The following RELN variants were observed in gnomAD, a reference collection of about 807,000 sequenced individuals.
RELN encodes reelin.
RELN carries 108 observed loss-of-function variants against 427.6 expected under a neutral mutation model. The ratio of observed to expected loss-of-function variants is 0.25; its 90% CI spans 0.22 to 0.30. The LOEUF (loss-of-function observed/expected upper bound fraction) is 0.30, where lower values mean the gene tolerates loss of function less well. Ranked by LOEUF, RELN falls within the 10% of genes least tolerant of loss-of-function variation. The pLI is 1.00. For synonymous variants in RELN, 1,524 were observed against 1,513.4 expected (o/e 1.01, Z -0.16); for missense variants, 3,715 against 4,302.8 (o/e 0.86, Z 3.82).
chr7:103,903,297 G>A (rs972942662), intron 2 of RELN, among the ~76,000 whole-genome samples: 6 of 147,136 alleles, frequency 4.1e-5, no homozygotes, highest in African/African-American at 1.3e-4. Context: ...TCCTCAATTC[G>A]TATTTAAGAA....
At chr7:103,483,037 T>A in intron 62 of RELN, 66 bp from the exon 63 acceptor site, 1 of 1,236,640 alleles carries the variant, frequency 8.1e-7, no homozygotes, top group Non-Finnish European at 1.2e-6. Flanking sequence ...GTATTTGACT[T>A]CTAGATGTCA....
At chr7:103,972,894 A>ATG (rs34930399) in intron 1 of RELN, among the ~76,000 whole-genome samples, 25,341 of 149,174 alleles carry the variant, frequency 0.17, 2,176 homozygotes, top group Middle Eastern at 0.3. Context: ...GCATATGATT[A>ATG]TGTGTGTGTG....
intron 6 of RELN, among the ~76,000 whole-genome samples, chr7:103,739,220 T>G (rs1790576128): frequency 6.6e-6 from 1 of 152,218 alleles, no homozygotes; most frequent in South Asian, 2.1e-4. Flanking sequence ...CTGGCACTGT[T>G]TATATTATAG....
chr7:103,799,663 A>T (rs1792395536), intron 3 of RELN, among the ~76,000 whole-genome samples: 1 of 152,130 alleles, frequency 6.6e-6, no homozygotes, highest in Non-Finnish European at 1.5e-5. Context: ...TCCCCAACTA[A>T]ATCAAATTTC....
intron 1 of RELN, among the ~76,000 whole-genome samples, chr7:103,959,432 G>C (rs531811246): frequency 6.6e-6 from 1 of 152,220 alleles, no homozygotes; most frequent in African/African-American, 2.4e-5. Context: ...CTACCAGAAA[G>C]CATCACATAT....
In RELN at chr7:103,553,310, A is replaced by G. The variant is rs980611749; in HGVS notation, c.6072+151T>C. 6 of 651,948 alleles carry G rather than the reference A, an allele frequency of 9.2e-6. No homozygotes were observed. In the South Asian group the frequency reaches 9.4e-5, roughly 10 times the overall value. 40.4% of individuals were successfully genotyped at this position (651,948 alleles called of 1,614,324 possible). ...CTTAGTATGACAATTGGCTCTGTTA[A>G]TAAGAGAAAATTATGATGCCAAAAT... On this transcript the variant is annotated intron_variant, in intron 40 of 64. Transcript: ENST00000428762.
chr7:103,611,373 T>G (rs944365803), intron 21 of RELN, among the ~76,000 whole-genome samples: 1 of 152,216 alleles, frequency 6.6e-6, no homozygotes, highest in Non-Finnish European at 1.5e-5. Flanking sequence ...TAGCCAGTTT[T>G]GGAAGTTATT....
At chr7:103,844,542 A>G (rs62482260) in intron 2 of RELN, among the ~76,000 whole-genome samples, 14,913 of 152,204 alleles carry the variant, frequency 0.098, 954 homozygotes, top group Non-Finnish European at 0.14. Context: ...TATTATTCCT[A>G]TTTTATACAA....
chr7:103,754,211 T>G (rs548495133), intron 4 of RELN, among the ~76,000 whole-genome samples: 1 of 152,240 alleles, frequency 6.6e-6, no homozygotes, highest in East Asian at 1.9e-4. Context: ...TAGTTTTAAA[T>G]TGACCACATT....
At chr7:103,657,363 T>G (rs780806990) in intron 12 of RELN, among the ~76,000 whole-genome samples, 2 of 151,960 alleles carry the variant, frequency 1.3e-5, no homozygotes, top group Non-Finnish European at 1.5e-5. Flanking sequence ...AACTTTTAAA[T>G]TGAGGATTAT....
In RELN at chr7:103,482,414, A is replaced by G. The variant is rs183984261; in HGVS notation, c.10280+459T>C. 2.5e-5 allele frequency: 5 copies of G among 198,494 alleles called. No homozygotes were observed. In the East Asian group the frequency reaches 6.3e-4, roughly 25 times the overall value. The allele number at this position is 198,494 out of a possible 1,614,324, so 12.3% of individuals were successfully genotyped here. On this transcript the variant is annotated intron_variant, in intron 63 of 64. Coordinates refer to ENST00000428762, the MANE Select transcript of RELN (RefSeq NM_005045.4). The stretch of plus-strand genomic sequence containing the variant: ...GCTGGGATTGGTCAGGAGGAATCTG[A>G]AACCACAAACTCTTTGTTCTAGTTG...
rs974994820 is a variant in RELN, at chr7:103,893,432, T to C, written c.337+23643A>G. On this transcript the variant is annotated intron_variant, in intron 2 of 64. Transcript: ENST00000428762. ...ACAAAACTGCATTGGAATATGAATA[T>C]TGAGAGCTCATTAAGTCTTAAAATG... 2.0e-5 allele frequency among the ~76,000 whole-genome samples: 3 copies of C among 152,168 alleles called. No individual in the cohort carries two copies. In the South Asian group the frequency reaches 6.2e-4, roughly 32 times the overall value.
chr7:103,739,524 T>C (rs1294052466), intron 6 of RELN, among the ~76,000 whole-genome samples: 1 of 152,318 alleles, frequency 6.6e-6, no homozygotes, highest in East Asian at 1.9e-4. Flanking sequence ...CCTCACCCTC[T>C]TGGGTTCAAT....
chr7:103,820,741 T>C (rs1316390035), intron 3 of RELN, among the ~76,000 whole-genome samples: 1 of 152,070 alleles, frequency 6.6e-6, no homozygotes. Flanking sequence ...TTATACTGAA[T>C]GGCAAATGAA....
chr7:103,521,900 G>T (rs1161344708), intron 48 of RELN, 122 bp downstream of exon 48: 9 of 941,414 alleles, frequency 9.6e-6, no homozygotes, highest in Admixed American at 1.8e-5. Context: ...TCAGATCAGG[G>T]TTGTACATTT....
intron 3 of RELN, among the ~76,000 whole-genome samples, chr7:103,789,955 C>T (rs1036493591): frequency 1.8e-4 from 27 of 152,100 alleles, no homozygotes; most frequent in African/African-American, 6.5e-4. Context: ...TAATGTTAGA[C>T]TGGATAAAGA....
chr7:103,564,870 T>C lies in RELN; in HGVS notation c.5210+408A>G, dbSNP rs554922762. Among the ~76,000 whole-genome samples, 5 of 152,128 alleles carry C rather than the reference T, an allele frequency of 3.3e-5. No individual in the cohort carries two copies. In the East Asian group the frequency reaches 7.7e-4, roughly 24 times the overall value. ...AGGGGAAGACAGATGCAAAACAATA[T>C]GAGCATTCCAAAGGAACCAACCTTT... On this transcript the variant is annotated intron_variant, in intron 34 of 64. Transcript: ENST00000428762.
chr7:103,651,622 G>T, intron 15 of RELN, 39 bp downstream of exon 15: 1 of 1,594,544 alleles, frequency 6.3e-7, no homozygotes, highest in Non-Finnish European at 8.6e-7. Flanking sequence ...CTGCAACATG[G>T]ATTCAAGTAT....
At chr7:103,951,394 A>G (rs577852213) in intron 1 of RELN, among the ~76,000 whole-genome samples, 3 of 152,330 alleles carry the variant, frequency 2.0e-5, no homozygotes, top group East Asian at 3.9e-4. Flanking sequence ...TTTAAATCCT[A>G]TGATTGTCTT....
Sources: gnomAD v4.1 joint callset for allele counts (sites outside exome capture counted in the v4.1 genomes callset) on GRCh38, gnomAD v4.1.1 for gene constraint, MANE v1.5 for transcripts, NCBI Gene and HGNC (gene_info 2026-07-23, HGNC 2026-07-21) for gene names.